The following TRIM25 variants were observed in gnomAD, a reference collection of about 807,000 sequenced individuals.
The protein encoded by TRIM25 is tripartite motif containing 25, also known as E3 ubiquitin/ISG15 ligase TRIM25.
A neutral mutation model predicts 65.2 loss-of-function variants in TRIM25; 45 were observed. The ratio of observed to expected loss-of-function variants is 0.69; its 90% CI spans 0.54 to 0.89. The LOEUF (loss-of-function observed/expected upper bound fraction) is 0.89, where lower values mean the gene tolerates loss of function less well. Ranked by LOEUF, TRIM25 falls within the 40% of genes least tolerant of loss-of-function variation. The pLI, the probability that TRIM25 is intolerant of heterozygous loss-of-function variation, is 0.00. For synonymous variants in TRIM25, 321 were observed against 340.4 expected, an observed-to-expected ratio of 0.94 and a Z score of 0.63; for missense variants, 714 against 803.7, an observed-to-expected ratio of 0.89 and a Z score of 1.35.
chr17:56,899,058 A>G, intron 5 of TRIM25, 57 bp downstream of exon 5: 1 of 1,601,980 alleles, frequency 6.2e-7, no homozygotes, highest in South Asian at 1.1e-5. Flanking sequence ...ACTTGGCCAG[A>G]GCCTGGGGAG....
At chr17:56,904,180 G>A (rs2075942502) in intron 3 of TRIM25, 75 bp downstream of exon 3, 2 of 1,267,024 alleles carry the variant, frequency 1.6e-6, no homozygotes, top group Admixed American at 1.9e-5. Context: ...CGCTCCTTGA[G>A]GGCCCTATCA....
At chr17:56,898,918 C>T in intron 5 of TRIM25, 197 bp downstream of exon 5, 1 of 588,680 alleles carries the variant, frequency 1.7e-6, no homozygotes, top group Non-Finnish European at 3.0e-6. Flanking sequence ...TCCAGGCAGC[C>T]CAAACGTGCA....
intron 2 of TRIM25, among the ~76,000 whole-genome samples, chr17:56,904,998 T>A (rs899679836): frequency 6.6e-6 from 1 of 152,036 alleles, no homozygotes; most frequent in Admixed American, 6.6e-5. Context: ...AAGAAACGCA[T>A]GGGAATGAAT....
chr17:56,895,517 T>G lies in TRIM25; in HGVS notation c.1264+4A>C. The stretch of plus-strand genomic sequence containing the variant: ...CCCAAAGCTCCTTGCCCATGATAAC[T>G]TACCCTCCAAGCCAGCTTGTTTTAA... On this transcript the variant is annotated splice_donor_region_variant and intron_variant, in intron 7 of 8. Transcript: ENST00000316881. 6.2e-7 allele frequency: 1 copy of G among 1,612,984 alleles called. No homozygotes were observed. Among genetic ancestry groups the G allele is most frequent in the South Asian group, 1.1e-5 (1 of 90,984 alleles).
At chr17:56,901,160 C>T (rs997356554) in intron 4 of TRIM25, among the ~76,000 whole-genome samples, 1 of 152,178 alleles carries the variant, frequency 6.6e-6, no homozygotes, top group Non-Finnish European at 1.5e-5. Context: ...CTCAAGATCA[C>T]AGGCCAAAAG....
intron 1 of TRIM25, among the ~76,000 whole-genome samples, chr17:56,910,364 C>T (rs1192665735): frequency 6.6e-6 from 1 of 152,208 alleles, no homozygotes; most frequent in East Asian, 1.9e-4. Flanking sequence ...GCCCAAGCTG[C>T]TCATGATGTT....
intron 5 of TRIM25, among the ~76,000 whole-genome samples, chr17:56,897,781 G>T (rs887508131): frequency 6.6e-6 from 1 of 152,194 alleles, no homozygotes; most frequent in Admixed American, 6.5e-5. Flanking sequence ...AGCTTTCAGA[G>T]GAAGGTGACT....
intron 3 of TRIM25, among the ~76,000 whole-genome samples, chr17:56,903,642 C>G (rs1360668937): frequency 2.0e-5 from 3 of 152,102 alleles, no homozygotes; most frequent in Non-Finnish European, 2.9e-5. Context: ...TAGGATATCA[C>G]TCCTGTGATT....
chr17:56,890,900 G>C lies in TRIM25; in HGVS notation c.*800C>G. 1 of 456,706 alleles carries C rather than the reference G, an allele frequency of 2.2e-6. No homozygotes were observed. Among genetic ancestry groups the C allele is most frequent in the Non-Finnish European group, 4.4e-6 (1 of 226,966 alleles). The allele number at this position is 456,706 out of a possible 1,614,324, so 28.3% of individuals were successfully genotyped here. On this transcript the variant is annotated 3_prime_UTR_variant, in exon 9 of 9. Transcript: ENST00000316881. ...AGCAAAGCTCATGGCTGCCACCAAAGCATCTCTGCCAAGATGCTTCTTATG... is the reference window on the plus strand; with the variant it reads ...AGCAAAGCTCATGGCTGCCACCAAACCATCTCTGCCAAGATGCTTCTTATG...
chr17:56,888,945 C>T lies in TRIM25; in HGVS notation c.*2755G>A, dbSNP rs867229918. The T allele has an allele frequency of 2.0e-5, 3 of 152,190 alleles. No homozygotes were observed. Among genetic ancestry groups the T allele is most frequent in the Admixed American group, 1.3e-4 (2 of 15,278 alleles). 9.4% of individuals were successfully genotyped at this position (152,190 alleles called of 1,614,324 possible). A position where few individuals can be genotyped will look rare whatever the true frequency, so the allele number is the denominator to read the frequency against. On this transcript the variant is annotated 3_prime_UTR_variant, in exon 9 of 9. Transcript: ENST00000316881. ...ACGCCAAACACCGCTTTATTGCATT[C>T]AAACCTTCTAAGGCACGTCAGCCAG...
intron 2 of TRIM25, among the ~76,000 whole-genome samples, chr17:56,905,452 T>G (rs1015831909): frequency 6.6e-6 from 1 of 152,194 alleles, no homozygotes; most frequent in Non-Finnish European, 1.5e-5. Flanking sequence ...GGATTGTACT[T>G]TCCAATAACA....
At position 56,889,617 on chromosome 17, in the gene TRIM25, G is replaced by A; in HGVS notation, c.*2083C>T. ...CTACTTGACTCTCTTTTAAACAGAG[G>A]GTCTTATGCTTCCCTATCCTGAGCT... is the stretch of plus-strand genomic sequence containing the variant. On this transcript the variant is annotated 3_prime_UTR_variant, in exon 9 of 9. Transcript: ENST00000316881. 3 of 397,002 alleles carry A rather than the reference G, an allele frequency of 7.6e-6. No individual in the cohort carries two copies. Among genetic ancestry groups the A allele is most frequent in the Non-Finnish European group, 1.3e-5 (3 of 225,538 alleles). 24.6% of individuals were successfully genotyped at this position (397,002 alleles called of 1,614,324 possible).
At chr17:56,898,030 C>G (rs1249450949) in intron 5 of TRIM25, among the ~76,000 whole-genome samples, 1 of 152,204 alleles carries the variant, frequency 6.6e-6, no homozygotes, top group Non-Finnish European at 1.5e-5. Context: ...TCTCATCCCC[C>G]CAACACCAGC....
chr17:56,900,989 G>A (rs1371897023), intron 4 of TRIM25, among the ~76,000 whole-genome samples: 1 of 152,174 alleles, frequency 6.6e-6, no homozygotes, highest in African/African-American at 2.4e-5. Context: ...TCAGCAGACT[G>A]AGTCAGGAGA....
Position 56,895,521 on chromosome 17 carries a change from C to T in TRIM25, c.1264G>A (p.Ala422Thr). 2 of 1,611,062 alleles carry T rather than the reference C, an allele frequency of 1.2e-6. No individual in the cohort carries two copies. Among genetic ancestry groups the T allele is most frequent in the Non-Finnish European group, 1.7e-6 (2 of 1,177,820 alleles). Residue 422 changes from alanine (A) to threonine (T), a missense_variant and splice_region_variant, in exon 7 of 9, where the codon GCT becomes ACT. By Grantham distance (58) the Ala-to-Thr change is moderately conservative. Around this residue, in one of 3 missense-constraint regions of TRIM25, gnomAD observed 413 missense variants for 498.2 expected, o/e 0.83. Coordinates refer to ENST00000316881, the MANE Select transcript of TRIM25 (RefSeq NM_005082.5). Reference sequence around the variant, plus strand: ...AAGCTCCTTGCCCATGATAACTTACCCTCCAAGCCAGCTTGTTTTAAATCC... The same window carrying T: ...AAGCTCCTTGCCCATGATAACTTACTCTCCAAGCCAGCTTGTTTTAAATCC... ...LVDLKQAGLEAAAKATSSHPN... is the reference protein window; with the variant it reads ...LVDLKQAGLETAAKATSSHPN...
intron 3 of TRIM25, 77 bp downstream of exon 3, chr17:56,904,178 G>C: frequency 8.0e-7 from 1 of 1,256,652 alleles, no homozygotes; most frequent in East Asian, 2.3e-5. Flanking sequence ...CCCGCTCCTT[G>C]AGGGCCCTAT....
In TRIM25 at chr17:56,891,765, C is replaced by T. The variant is rs756810953; in HGVS notation, c.1828G>A (p.Ala610Thr). 6.2e-7 allele frequency: 1 copy of T among 1,614,186 alleles called. No individual in the cohort carries two copies. Among genetic ancestry groups the T allele is most frequent in the Admixed American group, 1.7e-5 (1 of 60,022 alleles). ...MYKFRVDFTEALYPAFWVFSA... is the reference protein window; with the variant it reads ...MYKFRVDFTETLYPAFWVFSA... Reference sequence around the variant, plus strand: ...AATACCCAGAAAGCCGGGTACAAAGCCTCAGTAAAGTCCACCCTGAACTTA... The same window carrying T: ...AATACCCAGAAAGCCGGGTACAAAGTCTCAGTAAAGTCCACCCTGAACTTA... Residue 610 changes from alanine to threonine, a missense_variant, in exon 9 of 9, where the codon GCT (alanine) becomes ACT (threonine). Physicochemically the swap from Ala to Thr is moderately conservative, Grantham distance 58. Coordinates refer to ENST00000316881, the MANE Select transcript of TRIM25 (RefSeq NM_005082.5).
At chr17:56,900,721 G>A (rs1457631294) in intron 4 of TRIM25, among the ~76,000 whole-genome samples, 1 of 152,228 alleles carries the variant, frequency 6.6e-6, no homozygotes, top group Non-Finnish European at 1.5e-5. Flanking sequence ...CACCAGAGGA[G>A]AGTGGGGGGC....
chr17:56,895,668 T>G, intron 6 of TRIM25, 64 bp from the exon 7 acceptor site: 1 of 1,467,956 alleles, frequency 6.8e-7, no homozygotes. Context: ...CCTTCCACAC[T>G]GATTAAGAGC....
Sources: allele counts gnomAD v4.1 joint callset (sites outside exome capture counted in the v4.1 genomes callset), GRCh38; gene constraint gnomAD v4.1.1; regional missense constraint gnomAD v4.1.1; transcripts MANE v1.5; gene names NCBI Gene and HGNC (gene_info 2026-07-23, HGNC 2026-07-21).